TMEM178A: variants seen among roughly 807,000 people sequenced by gnomAD.
The protein encoded by TMEM178A is transmembrane protein 178A.
In TMEM178A, 12 loss-of-function variants were observed where a neutral mutation model predicts 29.1. The observed-to-expected ratio is 0.41, with a 90% CI of 0.26 to 0.67. The LOEUF is 0.67. TMEM178A is among the 30% of genes least tolerant of loss of function. TMEM178A has a pLI of 0.29. For synonymous variants in TMEM178A, 210 were observed against 187.2 expected (o/e 1.12, Z -0.99); for missense variants, 366 against 419.1 (o/e 0.87, Z 1.11).
chr2:39,704,274 C>A, intron 2 of TMEM178A, 80 bp downstream of exon 2: 2 of 1,194,440 alleles, frequency 1.7e-6, no homozygotes, highest in East Asian at 2.4e-5. Context: ...CACATCTGGA[C>A]AGAAGGATGT....
chr2:39,710,224 CAAACAATAA>C (rs1672245710), intron 3 of TMEM178A, among the ~76,000 whole-genome samples: 1 of 152,148 alleles, frequency 6.6e-6, no homozygotes, highest in African/African-American at 2.4e-5. Context: ...AACAAAAACC[CAAACAATAA>C]ACTTGAAGTT....
At chr2:39,685,352 C>T (rs1234096228) in intron 1 of TMEM178A, among the ~76,000 whole-genome samples, 1 of 152,184 alleles carries the variant, frequency 6.6e-6, no homozygotes, top group Non-Finnish European at 1.5e-5. Flanking sequence ...GATGTCAGCC[C>T]TCTTCCTGTT....
chr2:39,711,656 T>A (rs1201601534), intron 3 of TMEM178A, among the ~76,000 whole-genome samples: 12 of 152,090 alleles, frequency 7.9e-5, no homozygotes, highest in African/African-American at 1.4e-4. Flanking sequence ...AAATTTTTTT[T>A]AAAAAAAGAC....
intron 1 of TMEM178A, among the ~76,000 whole-genome samples, chr2:39,696,862 T>C (rs1355331477): frequency 1.3e-5 from 2 of 152,220 alleles, no homozygotes; most frequent in Admixed American, 6.5e-5. Flanking sequence ...GTGGCTCTAC[T>C]TGGCCCTTTA....
rs569075590 is a variant in TMEM178A, at chr2:39,693,039, G to T, written c.401-11042G>T. ...TGAGGCAGGAGAATGGCTTGAACCC[G>T]GGAGGCGGAGCTTGCAGTGAGCGGA... On this transcript the variant is annotated intron_variant, in intron 1 of 3. Transcript: ENST00000281961. Among the ~76,000 whole-genome samples, 5 of 152,218 alleles carry T rather than the reference G, an allele frequency of 3.3e-5. No individual in the cohort carries two copies. The East Asian group carries it at 9.7e-4, about 29-fold the overall frequency.
At chr2:39,702,260 T>G (rs1671814065) in intron 1 of TMEM178A, among the ~76,000 whole-genome samples, 1 of 152,176 alleles carries the variant, frequency 6.6e-6, no homozygotes, top group Non-Finnish European at 1.5e-5. Flanking sequence ...CTATATTCTT[T>G]GTCATAGGAG....
intron 1 of TMEM178A, among the ~76,000 whole-genome samples, chr2:39,695,376 C>T (rs1671492398): frequency 6.7e-6 from 1 of 150,296 alleles, no homozygotes; most frequent in Non-Finnish European, 1.5e-5. Context: ...TCACAGCCTC[C>T]CTGCTTAAGG....
At chr2:39,665,637 G>C (rs1193440014), upstream of TMEM178A, 3 of 259,714 alleles carry the variant, frequency 1.2e-5, no homozygotes, top group Non-Finnish European at 2.2e-5. Context: ...ACTGTGGATC[G>C]GAGGTAGGGA....
chr2:39,688,823 T>C (rs1671191439), intron 1 of TMEM178A, among the ~76,000 whole-genome samples: 1 of 152,232 alleles, frequency 6.6e-6, no homozygotes, highest in Non-Finnish European at 1.5e-5. Context: ...GAACAGATTC[T>C]CTTTGTAGAT....
chr2:39,693,222 C>G (rs1168537517), intron 1 of TMEM178A, among the ~76,000 whole-genome samples: 1 of 152,218 alleles, frequency 6.6e-6, no homozygotes, highest in Non-Finnish European at 1.5e-5. Flanking sequence ...TGGATGCTTT[C>G]CTGAATCCAA....
At chr2:39,687,713 C>G (rs1162456310) in intron 1 of TMEM178A, among the ~76,000 whole-genome samples, 2 of 152,172 alleles carry the variant, frequency 1.3e-5, no homozygotes, top group Admixed American at 1.3e-4. Flanking sequence ...ATCAAGGTAT[C>G]AGTGTGAAAG....
the TMEM178A span, among the ~76,000 whole-genome samples, chr2:39,727,359 C>T: frequency 2.6e-5 from 4 of 152,148 alleles, no homozygotes; most frequent in African/African-American, 9.7e-5. Flanking sequence ...TTTGAAAAGG[C>T]TACTAACACT....
chr2:39,708,653 G>A (rs966942850), intron 3 of TMEM178A, among the ~76,000 whole-genome samples: 1 of 151,744 alleles, frequency 6.6e-6, no homozygotes, highest in Admixed American at 6.6e-5. Flanking sequence ...TCCTGACCTC[G>A]TGATCCGCCC....
At chr2:39,714,510 T>G (rs150446176) in intron 3 of TMEM178A, among the ~76,000 whole-genome samples, 2 of 152,220 alleles carry the variant, frequency 1.3e-5, no homozygotes, top group Admixed American at 6.5e-5. Context: ...TTGCTCATGG[T>G]GGGCTACAGA....
intron 1 of TMEM178A, among the ~76,000 whole-genome samples, chr2:39,693,939 A>G (rs1318319319): frequency 6.7e-6 from 1 of 149,804 alleles, no homozygotes; most frequent in Non-Finnish European, 1.5e-5. Flanking sequence ...TTTGAACACT[A>G]TTATTTCTGG....
intron 3 of TMEM178A, among the ~76,000 whole-genome samples, chr2:39,714,215 G>C (rs1183367388): frequency 1.3e-5 from 2 of 152,106 alleles, no homozygotes; most frequent in African/African-American, 2.4e-5. Context: ...AAGCTATAGG[G>C]GCATTTGTGG....
chr2:39,678,904 A>G (rs550352103), intron 1 of TMEM178A, among the ~76,000 whole-genome samples: 1 of 152,284 alleles, frequency 6.6e-6, no homozygotes, highest in South Asian at 2.1e-4. Flanking sequence ...GTCATTGTGA[A>G]TACTGCTTCC....
At chr2:39,731,876 G>A in the TMEM178A span, among the ~76,000 whole-genome samples, 3 of 152,166 alleles carry the variant, frequency 2.0e-5, no homozygotes, top group African/African-American at 7.2e-5. Flanking sequence ...CACCAGGATG[G>A]CTGGGGAAAG....
intron 3 of TMEM178A, among the ~76,000 whole-genome samples, chr2:39,712,007 T>C (rs1672324765): frequency 6.6e-6 from 1 of 151,306 alleles, no homozygotes; most frequent in African/African-American, 2.4e-5. Context: ...TTTCAGAAAA[T>C]GATTGGATGC....
Sources: gnomAD v4.1 joint callset for allele counts (sites outside exome capture counted in the v4.1 genomes callset) on GRCh38, gnomAD v4.1.1 for gene constraint, MANE v1.5 for transcripts, NCBI Gene and HGNC (gene_info 2026-07-23, HGNC 2026-07-21) for gene names.